METTL2A: variants seen among roughly 807,000 people sequenced by gnomAD.
METTL2A encodes the protein methyltransferase 2A, tRNA N3-cytidine.
METTL2A carries 45 observed loss-of-function variants against 49.4 expected under a neutral mutation model. That is an observed-to-expected ratio of 0.91 (90% confidence interval 0.72 to 1.17). The LOEUF (loss-of-function observed/expected upper bound fraction) is 1.17, where lower values mean the gene tolerates loss of function less well. Among genes scored for constraint, METTL2A ranks in the 50% most tolerant of loss-of-function variants. METTL2A has a pLI of 0.00. For missense variants in METTL2A, 361 were observed against 462.2 expected, an observed-to-expected ratio of 0.78 and a Z score of 2.01; for synonymous variants, 118 against 167.5, an observed-to-expected ratio of 0.70 and a Z score of 2.28.
rs369234957 is a variant in METTL2A at position 62,439,430 on chromosome 17, G to GTTTGTT, written c.670-1170_670-1165dup. The stretch of plus-strand genomic sequence containing the variant: ...GATCGTGCTTTTGGTTTGTTTGTTT[G>GTTTGTT]TTTGTTTTTGTTTTTGTTTTTGAGA... On this transcript the variant is annotated intron_variant, in intron 5 of 8. Coordinates refer to ENST00000311506, the MANE Select transcript of METTL2A (RefSeq NM_181725.4). Among the ~76,000 whole-genome samples, 77 of 149,156 alleles carry GTTTGTT rather than the reference G, an allele frequency of 5.2e-4. No homozygotes were observed. In the East Asian group the frequency reaches 0.014, roughly 26 times the overall value.
At position 62,449,592 on chromosome 17, in the gene METTL2A, TC is replaced by T. The variant is rs959892553; in HGVS notation, c.*865del. The stretch of plus-strand genomic sequence containing the variant: ...TGAGTGTGTTGGTGGGTGCCTGTAA[TC>T]CAGCTACTTGGGAGACTGAGGCAGG... On this transcript the variant is annotated 3_prime_UTR_variant, in exon 9 of 9. Coordinates refer to ENST00000311506, the MANE Select transcript of METTL2A (RefSeq NM_181725.4). The T allele has an allele frequency of 2.0e-5, 6 of 305,368 alleles. No homozygotes were observed. In the Admixed American group the frequency reaches 2.9e-4, roughly 15 times the overall value. 18.9% of individuals were successfully genotyped at this position (305,368 alleles called of 1,614,324 possible). A position where few individuals can be genotyped will look rare whatever the true frequency, so the allele number is the denominator to read the frequency against.
At chr17:62,438,981 T>A (rs2144148460) in intron 5 of METTL2A, among the ~76,000 whole-genome samples, 2 of 138,734 alleles carry the variant, frequency 1.4e-5, no homozygotes, top group African/African-American at 6.1e-5. Context: ...TAATTTTTTT[T>A]TTTTTTTTTT....
chr17:62,437,828 T>C (rs1321187786), intron 5 of METTL2A, among the ~76,000 whole-genome samples: 2 of 151,774 alleles, frequency 1.3e-5, no homozygotes, highest in Non-Finnish European at 2.9e-5. Flanking sequence ...GAAATTTAGC[T>C]GGGTTTGGTG....
chr17:62,434,900 C>G (rs1053715617), intron 4 of METTL2A: 13 of 317,486 alleles, frequency 4.1e-5, no homozygotes, highest in Non-Finnish European at 6.7e-5. Context: ...CAGGGTGGCT[C>G]AGCGAAGAAA....
rs533718925 is a variant in METTL2A at position 62,447,239 on chromosome 17, T to C, written c.917-462T>C. ...TTTGAGACCAGCCTGGCCAACATGG[T>C]GAAACCCTGACTCTACTAAAAATAC... On this transcript the variant is annotated intron_variant, in intron 7 of 8. Transcript: ENST00000311506. Among the ~76,000 whole-genome samples the C allele has an allele frequency of 1.5e-4, 23 of 151,998 alleles. No individual in the cohort carries two copies. In the South Asian group the frequency reaches 4.0e-3, roughly 26 times the overall value.
At position 62,453,357 on chromosome 17, in the gene METTL2A, A is replaced by T. The variant is rs1036074691; in HGVS notation, c.*4628A>T. Among the ~76,000 whole-genome samples the T allele has an allele frequency of 6.6e-6, 1 of 152,140 alleles. No homozygotes were observed. The highest frequency in any genetic ancestry group is 1.5e-5 in the Non-Finnish European group (1 of 68,030). On this transcript the variant is annotated 3_prime_UTR_variant, in exon 9 of 9. Coordinates refer to ENST00000311506, the MANE Select transcript of METTL2A (RefSeq NM_181725.4). ...GATTAAAGTATATGACCTCAGTGCC[A>T]CTTAAAAAATAAATACTGTCTCAAC...
chr17:62,447,717 A>T lies in METTL2A; in HGVS notation c.933A>T (p.Gly311=). The T allele has an allele frequency of 6.2e-7, 1 of 1,614,138 alleles. No individual in the cohort carries two copies. The highest frequency in any genetic ancestry group is 1.1e-5 in the South Asian group (1 of 91,084). Residue 311 remains glycine (G), a synonymous_variant, in exon 8 of 9, where the codon GGA becomes GGT. Coordinates refer to ENST00000311506, the MANE Select transcript of METTL2A (RefSeq NM_181725.4). ...LRFKKGQCLS[G]NFYVRGDGTR... ...ACTCTGCAGGTCAGTGTCTATCTGG[A>T]AATTTCTACGTGAGAGGTGATGGAA...
chr17:62,425,726 C>T (rs1339741229), intron 2 of METTL2A, among the ~76,000 whole-genome samples: 18 of 147,138 alleles, frequency 1.2e-4, no homozygotes, highest in African/African-American at 3.3e-4. Context: ...TCTGGCTGGG[C>T]GCGATGACTC....
At chr17:62,439,683 C>T (rs370629731) in intron 5 of METTL2A, among the ~76,000 whole-genome samples, 3 of 152,120 alleles carry the variant, frequency 2.0e-5, no homozygotes, top group Admixed American at 6.5e-5. Flanking sequence ...CCGCCTGCCT[C>T]GGCCTCCCAA....
intron 7 of METTL2A, among the ~76,000 whole-genome samples, chr17:62,447,324 G>T (rs1254087018): frequency 6.6e-6 from 1 of 152,152 alleles, no homozygotes; most frequent in Non-Finnish European, 1.5e-5. Context: ...GGAGGCTGAG[G>T]CAGGAGAATC....
intron 4 of METTL2A, among the ~76,000 whole-genome samples, chr17:62,433,111 G>A (rs373873943): frequency 1.3e-5 from 2 of 152,062 alleles, no homozygotes; most frequent in Admixed American, 6.6e-5. Flanking sequence ...GGATACCAAG[G>A]GACAACTATA....
intron 4 of METTL2A, chr17:62,434,793 A>T (rs985676712): frequency 5.4e-6 from 1 of 183,694 alleles, no homozygotes; most frequent in Non-Finnish European, 1.2e-5. Context: ...GTGAACTAAT[A>T]AGCGAAAGAT....
At chr17:62,425,389 C>CTTT (rs746253160) in intron 2 of METTL2A, among the ~76,000 whole-genome samples, 5 of 78,218 alleles carry the variant, frequency 6.4e-5, no homozygotes, top group East Asian at 5.4e-4. Context: ...ACTGTCCATA[C>CTTT]TTTTTTTTTT....
chr17:62,441,989 C>G (rs1203219724), intron 6 of METTL2A, among the ~76,000 whole-genome samples: 1 of 151,958 alleles, frequency 6.6e-6, no homozygotes, highest in African/African-American at 2.4e-5. Context: ...CTCATGACCT[C>G]ATGATCCGCC....
rs769206467 is a variant in METTL2A, at chr17:62,444,939, A to G, written c.912A>G (p.Lys304=). 6.2e-7 allele frequency: 1 copy of G among 1,613,496 alleles called. No individual in the cohort carries two copies. Among genetic ancestry groups the G allele is most frequent in the East Asian group, 2.2e-5 (1 of 44,856 alleles). Residue 304 remains lysine (K), a synonymous_variant, in exon 7 of 9, where the codon AAA becomes AAG. Transcript: ENST00000311506. ...ATGACATGGCTCAGCTTCGGTTTAA[A>G]AAAGGTATTTTGAAAGTGCTGAATC... is the stretch of plus-strand genomic sequence containing the variant. The part of the protein sequence containing the change: ...GRYDMAQLRF[K]KGQCLSGNFY...
chr17:62,446,249 G>T (rs2070767836), intron 7 of METTL2A, among the ~76,000 whole-genome samples: 1 of 152,048 alleles, frequency 6.6e-6, no homozygotes, highest in African/African-American at 2.4e-5. Flanking sequence ...TGCCTCCTGG[G>T]TCCACCCGCC....
intron 6 of METTL2A, among the ~76,000 whole-genome samples, chr17:62,442,246 C>T (rs938486375): frequency 1.1e-4 from 16 of 151,962 alleles, no homozygotes; most frequent in African/African-American, 3.9e-4. Context: ...ACTTCATATG[C>T]ATAGGTAACC....
At chr17:62,428,834 C>T (rs1012334810) in intron 4 of METTL2A, among the ~76,000 whole-genome samples, 17 of 152,328 alleles carry the variant, frequency 1.1e-4, no homozygotes, top group South Asian at 1.0e-3. Flanking sequence ...TCCCGACTAG[C>T]GCACAGTGGT....
chr17:62,440,046 A>G (rs1408200821), intron 5 of METTL2A, among the ~76,000 whole-genome samples: 2 of 138,760 alleles, frequency 1.4e-5, no homozygotes, highest in African/African-American at 5.4e-5. Flanking sequence ...TTTTTTTTAG[A>G]TGGAGTTTCA....
Sources: gnomAD v4.1 joint callset for allele counts (sites outside exome capture counted in the v4.1 genomes callset) on GRCh38, gnomAD v4.1.1 for gene constraint, MANE v1.5 for transcripts, NCBI Gene and HGNC (gene_info 2026-07-23, HGNC 2026-07-21) for gene names.